The following WDR12 variants were observed in gnomAD, a reference collection of about 807,000 sequenced individuals.
WDR12 encodes ribosome biogenesis protein WDR12.
In WDR12, 42 loss-of-function variants were observed where a neutral mutation model predicts 64.3. The ratio of observed to expected loss-of-function variants is 0.65; its 90% CI spans 0.51 to 0.84. The LOEUF is 0.84. Ranked by LOEUF, WDR12 falls within the 40% of genes least tolerant of loss-of-function variation. The probability of loss-of-function intolerance (pLI) is 0.00; values close to 1 mark genes in which losing one functional copy is unlikely to be tolerated. For synonymous variants in WDR12, 158 were observed against 173.3 expected, an observed-to-expected ratio of 0.91 and a Z score of 0.70; for missense variants, 469 against 494.6, an observed-to-expected ratio of 0.95 and a Z score of 0.49.
chr2:202,907,974 T>C lies in WDR12; in HGVS notation c.42-15A>G. 1.2e-6 allele frequency: 2 copies of C among 1,603,498 alleles called. No individual in the cohort carries two copies. The highest frequency in any genetic ancestry group is 8.5e-7 in the Non-Finnish European group (1 of 1,170,536). ...CTACGGCATATCTATAAAAAGGAAA[T>C]GATATGTCAAGATCAAGTCTACAGA... On this transcript the variant is annotated splice_polypyrimidine_tract_variant and intron_variant, in intron 1 of 12. Transcript: ENST00000261015.
chr2:202,893,423 C>T (rs565372991), intron 7 of WDR12, among the ~76,000 whole-genome samples: 42 of 152,132 alleles, frequency 2.8e-4, no homozygotes, highest in Middle Eastern at 3.4e-3. Context: ...ATTTACTCAG[C>T]CCTATCAAAA....
intron 8 of WDR12, among the ~76,000 whole-genome samples, chr2:202,890,284 A>C (rs1311939841): frequency 6.6e-6 from 1 of 152,116 alleles, no homozygotes; most frequent in Non-Finnish European, 1.5e-5. Context: ...TATATTAATG[A>C]AAAGATCTAT....
At position 202,894,568 on chromosome 2, in the gene WDR12, A is replaced by G; in HGVS notation, c.655+13T>C. 1 of 1,594,440 alleles carries G rather than the reference A, an allele frequency of 6.3e-7. No individual in the cohort carries two copies. The highest frequency in any genetic ancestry group is 8.5e-7 in the Non-Finnish European group (1 of 1,171,750). On this transcript the variant is annotated intron_variant, in intron 7 of 12. Coordinates refer to ENST00000261015, the MANE Select transcript of WDR12 (RefSeq NM_018256.4). ...ACATTATTAAGTCAAGGTAAAATAA[A>G]TATTTAATTTACCTGTAGACCAGAT... is the stretch of plus-strand genomic sequence containing the variant.
At chr2:202,888,033 A>G (rs762498871) in intron 8 of WDR12, among the ~76,000 whole-genome samples, 13 of 152,214 alleles carry the variant, frequency 8.5e-5, no homozygotes, top group South Asian at 4.1e-4. Flanking sequence ...ACAAATGTTG[A>G]TAGTTTTACT....
rs1378675899 is a variant in WDR12, at chr2:202,875,233, T to C, written c.*5627A>G. 1 of 152,210 alleles carries C rather than the reference T, an allele frequency of 6.6e-6. No homozygotes were observed. The highest frequency in any genetic ancestry group is 1.5e-5 in the Non-Finnish European group (1 of 68,038). The allele number at this position is 152,210 out of a possible 1,614,324, so 9.4% of individuals were successfully genotyped here. A position where few individuals can be genotyped will look rare whatever the true frequency, so the allele number is the denominator to read the frequency against. ...CTTATATACAATTCCTATTAGAATA[T>C]ACAGAAATTGATCTTTATACATTTA... On this transcript the variant is annotated 3_prime_UTR_variant, in exon 13 of 13. Coordinates refer to ENST00000261015, the MANE Select transcript of WDR12 (RefSeq NM_018256.4).
chr2:202,892,661 G>A lies in WDR12; in HGVS notation c.697C>T (p.Arg233Ter), dbSNP rs371708008. The A allele has an allele frequency of 1.1e-5, 18 of 1,612,986 alleles. No homozygotes were observed. Among genetic ancestry groups the A allele is most frequent in the Admixed American group, 1.7e-5 (1 of 59,942 alleles). Residue 233 changes from arginine to a stop codon, truncating the protein, a stop_gained, in exon 8 of 13, where the codon CGA becomes TGA. Transcript: ENST00000261015. LOFTEE classifies it high-confidence loss of function. ...EEDEMEESTN[R>*]PRKKQKTEQL... Reference sequence around the variant, plus strand: ...TCTGTCTTCTGTTTCTTTCTTGGTCGATTTGTGGACTCCTCCATTTCATCT... The same window carrying A: ...TCTGTCTTCTGTTTCTTTCTTGGTCAATTTGTGGACTCCTCCATTTCATCT...
chr2:202,897,908 A>AAATATATATATAT (rs1466552102), intron 4 of WDR12, among the ~76,000 whole-genome samples: 1 of 40,054 alleles, frequency 2.5e-5, no homozygotes, highest in Non-Finnish European at 5.0e-5. Context: ...AAAAAAAAAA[A>AAATATATATATAT]ATATATATAT....
At chr2:202,898,189 T>G (rs974130924) in intron 4 of WDR12, among the ~76,000 whole-genome samples, 3 of 151,900 alleles carry the variant, frequency 2.0e-5, no homozygotes, top group African/African-American at 7.2e-5. Flanking sequence ...CTTGCTCTGT[T>G]GCCCAGGCTG....
chr2:202,892,342 C>T (rs1474427372), intron 8 of WDR12, among the ~76,000 whole-genome samples: 1 of 152,124 alleles, frequency 6.6e-6, no homozygotes, highest in Non-Finnish European at 1.5e-5. Context: ...TTAAAAGGTC[C>T]AGAATGCAAC....
chr2:202,890,910 C>T (rs1688144487), intron 8 of WDR12, among the ~76,000 whole-genome samples: 1 of 150,990 alleles, frequency 6.6e-6, no homozygotes, highest in Non-Finnish European at 1.5e-5. Flanking sequence ...GGGAGGATCA[C>T]CTGAGGCCAG....
chr2:202,888,416 T>TAA (rs1688089986), intron 8 of WDR12, among the ~76,000 whole-genome samples: 1 of 152,226 alleles, frequency 6.6e-6, no homozygotes, highest in Non-Finnish European at 1.5e-5. Context: ...ACTAAATAGT[T>TAA]ATACACCAAA....
Position 202,909,642 on chromosome 2 carries a change from G to A in WDR12, c.42-1683C>T, listed in dbSNP as rs550566046. 4.6e-5 allele frequency among the ~76,000 whole-genome samples: 7 copies of A among 152,104 alleles called. No individual in the cohort carries two copies. The South Asian group carries it at 6.2e-4, about 14-fold the overall frequency. On this transcript the variant is annotated intron_variant, in intron 1 of 12. Coordinates refer to ENST00000261015, the MANE Select transcript of WDR12 (RefSeq NM_018256.4). Reference sequence around the variant, plus strand: ...TGATGATCCTCAAACCACACTTTGAGCAATAAGGCTATAGCTATATATTTA... The same window carrying A: ...TGATGATCCTCAAACCACACTTTGAACAATAAGGCTATAGCTATATATTTA...
At chr2:202,883,289 T>A (rs1217383874) in intron 11 of WDR12, among the ~76,000 whole-genome samples, 1 of 151,914 alleles carries the variant, frequency 6.6e-6, no homozygotes, top group Non-Finnish European at 1.5e-5. Flanking sequence ...GAGTGCGCCA[T>A]CATGCCCGGC....
chr2:202,885,732 G>C (rs1004638325), intron 8 of WDR12, among the ~76,000 whole-genome samples: 1 of 152,142 alleles, frequency 6.6e-6, no homozygotes, highest in Non-Finnish European at 1.5e-5. Context: ...TAACTAGGTA[G>C]AGTACCTACC....
chr2:202,896,342 C>T (rs1574407296), intron 5 of WDR12, 123 bp from the exon 6 acceptor site: 1 of 1,088,080 alleles, frequency 9.2e-7, no homozygotes, highest in East Asian at 2.6e-5. Context: ...AAAGATAACT[C>T]ATATGGCCAG....
intron 4 of WDR12, among the ~76,000 whole-genome samples, chr2:202,898,294 G>A (rs1189146914): frequency 6.6e-6 from 1 of 152,062 alleles, no homozygotes; most frequent in African/African-American, 2.4e-5. Context: ...GGGACTATGG[G>A]CACAGACCGC....
chr2:202,889,329 A>T (rs1688105590), intron 8 of WDR12, among the ~76,000 whole-genome samples: 1 of 152,146 alleles, frequency 6.6e-6, no homozygotes, highest in African/African-American at 2.4e-5. Context: ...TACATAAATA[A>T]CTCTTACAAA....
Position 202,884,195 on chromosome 2 carries a change from C to T in WDR12, c.988+3G>A. ...TATTCCCCCAGTGGTTTACATGACTCACCTTTAGTTCGGGGATCCCACAGT... is the reference window on the plus strand; with the variant it reads ...TATTCCCCCAGTGGTTTACATGACTTACCTTTAGTTCGGGGATCCCACAGT... On this transcript the variant is annotated splice_donor_region_variant and intron_variant, in intron 10 of 12. Coordinates refer to ENST00000261015, the MANE Select transcript of WDR12 (RefSeq NM_018256.4). 6.2e-7 allele frequency: 1 copy of T among 1,611,826 alleles called. No homozygotes were observed. The highest frequency in any genetic ancestry group is 8.5e-7 in the Non-Finnish European group (1 of 1,179,306).
In WDR12 at chr2:202,896,064, C is replaced by G. The variant is rs779984457; in HGVS notation, c.609+1G>C. On this transcript the variant is annotated splice_donor_variant, in intron 6 of 12. Coordinates refer to ENST00000261015, the MANE Select transcript of WDR12 (RefSeq NM_018256.4). LOFTEE classifies it high-confidence loss of function. The stretch of plus-strand genomic sequence containing the variant: ...GTACTAATAATATTCTAGCTACTTA[C>G]TTTAGTTCCTGAGCCATCAACAGCT... The G allele has an allele frequency of 6.2e-7, 1 of 1,609,634 alleles. No individual in the cohort carries two copies. Among genetic ancestry groups the G allele is most frequent in the African/African-American group, 1.3e-5 (1 of 74,766 alleles).
Sources: gnomAD v4.1 joint callset for allele counts (sites outside exome capture counted in the v4.1 genomes callset) on GRCh38, gnomAD v4.1.1 for gene constraint, MANE v1.5 for transcripts, NCBI Gene and HGNC (gene_info 2026-07-23, HGNC 2026-07-21) for gene names.